The following BFSP2 variants were observed in gnomAD, a reference collection of about 807,000 sequenced individuals.
BFSP2 encodes phakinin.
Under a neutral mutation model 44.9 loss-of-function variants are expected in BFSP2, and 38 were observed. The ratio of observed to expected loss-of-function variants is 0.85; its 90% CI spans 0.65 to 1.11. The LOEUF (loss-of-function observed/expected upper bound fraction) is 1.11. Ranked by LOEUF, BFSP2 falls within the 50% of genes least tolerant of loss-of-function variation. BFSP2 has a pLI of 0.00. For synonymous variants in BFSP2, 197 were observed against 209.9 expected (o/e 0.94, Z 0.53); for missense variants, 525 against 533.0 (o/e 0.99, Z 0.15).
intron 4 of BFSP2, among the ~76,000 whole-genome samples, chr3:133,452,961 C>A (rs2073979428): frequency 6.6e-6 from 1 of 152,096 alleles, no homozygotes; most frequent in African/African-American, 2.4e-5. Context: ...TCATCACTAG[C>A]CCAACAGTAA....
At chr3:133,415,494 CT>C (rs1203715550) in intron 1 of BFSP2, among the ~76,000 whole-genome samples, 2 of 125,128 alleles carry the variant, frequency 1.6e-5, no homozygotes, top group African/African-American at 6.6e-5. Context: ...ATAGTCACCC[CT>C]GCCCTCTCCC....
chr3:133,463,994 G>T (rs1037823259), intron 4 of BFSP2, among the ~76,000 whole-genome samples: 3 of 152,118 alleles, frequency 2.0e-5, no homozygotes, highest in Non-Finnish European at 2.9e-5. Context: ...CAGCTCCCGT[G>T]AGCTGTTAGG....
intron 1 of BFSP2, among the ~76,000 whole-genome samples, chr3:133,442,569 C>G (rs1337502395): frequency 6.6e-6 from 1 of 152,106 alleles, no homozygotes; most frequent in African/African-American, 2.4e-5. Context: ...AGGTACAGAT[C>G]AGGGAGTTGG....
chr3:133,449,207 G>A (rs1012684242), intron 3 of BFSP2: 1 of 154,822 alleles, frequency 6.5e-6, no homozygotes, highest in African/African-American at 2.4e-5. Flanking sequence ...CCCACTTAAC[G>A]ATGCTCACAT....
rs752521747 is a variant in BFSP2 at position 133,424,219 on chromosome 3, T to TGTGTGTGTGTGTGTGTGTGTGTGTGTGTG, written c.490-23098_490-23097insGTGTGTGTGTGTGTGTGTGTGTGTGTGTG. ...TACCACCGCGTCCAGCTAATTTTTT[T>TGTGTGTGTGTGTGTGTGTGTGTGTGTGTG]TTTTTTTTTTTTTTTTTTTTTTGTA... On this transcript the variant is annotated intron_variant, in intron 1 of 6. Coordinates refer to ENST00000302334, the MANE Select transcript of BFSP2 (RefSeq NM_003571.4). Among the ~76,000 whole-genome samples the TGTGTGTGTGTGTGTGTGTGTGTGTGTGTG allele has an allele frequency of 2.3e-5, 2 of 88,074 alleles. 1 individual carries two copies. Among genetic ancestry groups the TGTGTGTGTGTGTGTGTGTGTGTGTGTGTG allele is most frequent in the Non-Finnish European group, 4.2e-5 (2 of 47,334 alleles). The allele number at this position is 88,074 out of a possible 152,430, so 57.8% of individuals were successfully genotyped here. A position where few individuals can be genotyped will look rare whatever the true frequency, so the allele number is the denominator to read the frequency against.
chr3:133,465,492 A>G (rs1042353172), intron 4 of BFSP2, among the ~76,000 whole-genome samples: 51 of 152,196 alleles, frequency 3.4e-4, no homozygotes, highest in Non-Finnish European at 8.8e-5. Flanking sequence ...AATGGGGATG[A>G]TCTCTCATTT....
intron 1 of BFSP2, among the ~76,000 whole-genome samples, chr3:133,429,118 C>G (rs551210802): frequency 2.0e-5 from 3 of 152,192 alleles, no homozygotes; most frequent in Admixed American, 6.5e-5. Flanking sequence ...CCCACCCCCC[C>G]AGAGGTCACT....
chr3:133,443,181 C>T (rs754528754), intron 1 of BFSP2, among the ~76,000 whole-genome samples: 4 of 151,988 alleles, frequency 2.6e-5, no homozygotes, highest in Non-Finnish European at 4.4e-5. Context: ...GATTTTCATT[C>T]GGGGACATGT....
At chr3:133,415,445 T>TCTCTACTCACTCCTGTCCTCTCCC in intron 1 of BFSP2, among the ~76,000 whole-genome samples, 1 of 47,722 alleles carries the variant, frequency 2.1e-5, no homozygotes, top group Non-Finnish European at 3.8e-5. Context: ...TGTCCTCTCC[T>TCTCTACTCACTCCTGTCCTCTCCC]CTCTACTCAC....
At chr3:133,457,729 C>T (rs182641935) in intron 4 of BFSP2, among the ~76,000 whole-genome samples, 1 of 152,308 alleles carries the variant, frequency 6.6e-6, no homozygotes, top group East Asian at 1.9e-4. Flanking sequence ...ATTTACATAT[C>T]ATCTATGGCT....
At chr3:133,437,351 C>T (rs1433614924) in intron 1 of BFSP2, among the ~76,000 whole-genome samples, 1 of 152,118 alleles carries the variant, frequency 6.6e-6, no homozygotes, top group Admixed American at 6.5e-5. Flanking sequence ...TGGAGAAACC[C>T]TGTCTCTACT....
intron 4 of BFSP2, among the ~76,000 whole-genome samples, chr3:133,466,417 C>G (rs543679436): frequency 6.6e-6 from 1 of 151,634 alleles, no homozygotes; most frequent in African/African-American, 2.4e-5. Context: ...TGGTGGCTCA[C>G]GCCTGTAATC....
At chr3:133,462,056 T>A (rs1245575009) in intron 4 of BFSP2, among the ~76,000 whole-genome samples, 1 of 54,218 alleles carries the variant, frequency 1.8e-5, no homozygotes, top group African/African-American at 5.8e-5. Context: ...TTTGCTTCCA[T>A]GGACCAGGCA....
chr3:133,459,557 C>A (rs1019931291), intron 4 of BFSP2, among the ~76,000 whole-genome samples: 3 of 152,300 alleles, frequency 2.0e-5, no homozygotes, highest in Non-Finnish European at 2.9e-5. Flanking sequence ...CTGGGCAGTT[C>A]TTGTGTAAAC....
intron 4 of BFSP2, among the ~76,000 whole-genome samples, chr3:133,460,966 A>G (rs2074056823): frequency 6.6e-6 from 1 of 152,252 alleles, no homozygotes; most frequent in Non-Finnish European, 1.5e-5. Context: ...CAGACAGCTC[A>G]TCTGGATACA....
intron 1 of BFSP2, among the ~76,000 whole-genome samples, chr3:133,445,790 T>C (rs925450536): frequency 5.3e-5 from 8 of 152,180 alleles, no homozygotes; most frequent in African/African-American, 1.7e-4. Context: ...TCATTTTATA[T>C]AAGAGACTTG....
chr3:133,420,812 G>T (rs948815265), intron 1 of BFSP2, among the ~76,000 whole-genome samples: 1 of 152,178 alleles, frequency 6.6e-6, no homozygotes, highest in Non-Finnish European at 1.5e-5. Flanking sequence ...TGCCTCTCAC[G>T]TGCTGAGCAG....
chr3:133,448,857 G>T lies in BFSP2; in HGVS notation c.729+212G>T, dbSNP rs1050206358. The T allele has an allele frequency of 3.9e-5, 24 of 609,852 alleles. No homozygotes were observed. The African/African-American group carries it at 4.1e-4, about 10-fold the overall frequency. 37.8% of individuals were successfully genotyped at this position (609,852 alleles called of 1,614,324 possible). A position where few individuals can be genotyped will look rare whatever the true frequency, so the allele number is the denominator to read the frequency against. On this transcript the variant is annotated intron_variant, in intron 3 of 6. Coordinates refer to ENST00000302334, the MANE Select transcript of BFSP2 (RefSeq NM_003571.4). ...CAAACTCAAATAGCTTCAGGAACCA[G>T]TGTGGTACAGAAACAGGGGAAGGCA...
chr3:133,447,525 A>T, intron 2 of BFSP2, 126 bp downstream of exon 2: 1 of 984,804 alleles, frequency 1.0e-6, no homozygotes, highest in East Asian at 2.6e-5. Flanking sequence ...AGGATAACAG[A>T]GCCATGATTA....
Sources: gnomAD v4.1 joint callset for allele counts (sites outside exome capture counted in the v4.1 genomes callset) on GRCh38, gnomAD v4.1.1 for gene constraint, MANE v1.5 for transcripts, NCBI Gene and HGNC (gene_info 2026-07-23, HGNC 2026-07-21) for gene names.